The following CDK8 variants were observed in gnomAD, a reference collection of about 807,000 sequenced individuals.
The protein encoded by CDK8 is cyclin dependent kinase 8, also known as cyclin-dependent kinase 8.
A neutral mutation model predicts 71.5 loss-of-function variants in CDK8; 29 were observed. The observed-to-expected ratio is 0.41, with a 90% CI of 0.30 to 0.55. CDK8 has a LOEUF of 0.55. Among genes scored for constraint, CDK8 ranks in the 20% least tolerant of loss-of-function variants. The pLI is 0.37. For synonymous variants in CDK8, 161 were observed against 192.1 expected, an observed-to-expected ratio of 0.84 and a Z score of 1.34; for missense variants, 288 against 572.6, an observed-to-expected ratio of 0.50 and a Z score of 5.07.
intron 1 of CDK8, among the ~76,000 whole-genome samples, chr13:26,288,647 AT>A (rs1873143226): frequency 6.6e-6 from 1 of 151,962 alleles, no homozygotes; most frequent in Non-Finnish European, 1.5e-5. Context: ...GTTGCTTTGA[AT>A]CTGTTGATAA....
intron 2 of CDK8, among the ~76,000 whole-genome samples, chr13:26,348,826 A>C (rs1565981461): frequency 6.6e-6 from 1 of 152,180 alleles, no homozygotes; most frequent in South Asian, 2.1e-4. Context: ...ACAATCAAAA[A>C]ATTAAAATAA....
chr13:26,367,916 A>G (rs906966724), intron 4 of CDK8, among the ~76,000 whole-genome samples: 1 of 152,126 alleles, frequency 6.6e-6, no homozygotes, highest in Non-Finnish European at 1.5e-5. Flanking sequence ...GCTTATTTTC[A>G]AGGAGAGGAA....
At chr13:26,296,869 C>T (rs1873584208) in intron 1 of CDK8, among the ~76,000 whole-genome samples, 1 of 152,050 alleles carries the variant, frequency 6.6e-6, no homozygotes, top group South Asian at 2.1e-4. Context: ...ATAAAAGGAC[C>T]TCTTATTACT....
chr13:26,345,420 C>T (rs1565980369), intron 2 of CDK8, among the ~76,000 whole-genome samples: 1 of 152,086 alleles, frequency 6.6e-6, no homozygotes, highest in Non-Finnish European at 1.5e-5. Flanking sequence ...CTCACTCTGT[C>T]ACCCAGGCTA....
chr13:26,349,330 A>G, intron 3 of CDK8, 148 bp downstream of exon 3: 1 of 589,436 alleles, frequency 1.7e-6, no homozygotes. Flanking sequence ...GACGAAGGCT[A>G]GAGTATTTGA....
chr13:26,401,661 T>C lies in CDK8; in HGVS notation c.1269+37T>C. Reference sequence around the variant, plus strand: ...TTATTTTGTATTGACTGCATGTCAGTGTTTACATATGGGTTTATGATCGTG... The same window carrying C: ...TTATTTTGTATTGACTGCATGTCAGCGTTTACATATGGGTTTATGATCGTG... On this transcript the variant is annotated intron_variant, in intron 12 of 12. Transcript: ENST00000381527. The surrounding 1 kb of genome is among the most constrained non-coding windows in gnomAD (Gnocchi z 4.5). 6.3e-7 allele frequency: 1 copy of C among 1,598,222 alleles called. No individual in the cohort carries two copies. The highest frequency in any genetic ancestry group is 8.6e-7 in the Non-Finnish European group (1 of 1,165,846).
chr13:26,372,684 C>A (rs1397096172), intron 4 of CDK8, among the ~76,000 whole-genome samples: 1 of 152,118 alleles, frequency 6.6e-6, no homozygotes, highest in Non-Finnish European at 1.5e-5. Flanking sequence ...TGTATTTGAA[C>A]CCCAGCTCTG....
chr13:26,267,342 T>C (rs1017329426), intron 1 of CDK8, among the ~76,000 whole-genome samples: 1 of 152,214 alleles, frequency 6.6e-6, no homozygotes, highest in Admixed American at 6.5e-5. Flanking sequence ...TGAAATAAGA[T>C]GGGACTATGA....
intron 1 of CDK8, among the ~76,000 whole-genome samples, chr13:26,279,186 A>G (rs528239780): frequency 1.3e-5 from 2 of 152,302 alleles, no homozygotes; most frequent in Non-Finnish European, 2.9e-5. Context: ...GCCAGTTGAT[A>G]AAATGTAGAA....
chr13:26,266,157 AGAT>A (rs1317603093), intron 1 of CDK8, among the ~76,000 whole-genome samples: 1 of 152,206 alleles, frequency 6.6e-6, no homozygotes, highest in Non-Finnish European at 1.5e-5. Context: ...TTGAGGTGGA[AGAT>A]GATGATTGAG....
chr13:26,272,802 A>G (rs922832082), intron 1 of CDK8, among the ~76,000 whole-genome samples: 10 of 152,210 alleles, frequency 6.6e-5, no homozygotes, highest in African/African-American at 2.4e-4. Context: ...TACAATGGCT[A>G]CAGTGTCACT....
Position 26,311,109 on chromosome 13 carries a change from C to G in CDK8, c.129-26458C>G, listed in dbSNP as rs1010230081. 1.1e-4 allele frequency among the ~76,000 whole-genome samples: 16 copies of G among 147,580 alleles called. No homozygotes were observed. The Admixed American group carries it at 1.1e-3, about 10-fold the overall frequency. On this transcript the variant is annotated intron_variant, in intron 1 of 12. Coordinates refer to ENST00000381527, the MANE Select transcript of CDK8 (RefSeq NM_001260.3). Reference sequence around the variant, plus strand: ...GACTGCAGATTTTTAACATGTATAACAAAATCTTGAAAATGGTAGCTGTGC... The same window carrying G: ...GACTGCAGATTTTTAACATGTATAAGAAAATCTTGAAAATGGTAGCTGTGC...
chr13:26,264,913 C>CT (rs377434981), intron 1 of CDK8, among the ~76,000 whole-genome samples: 59 of 152,284 alleles, frequency 3.9e-4, no homozygotes, highest in African/African-American at 1.4e-3. Context: ...TGATTTCCTT[C>CT]TTTTTTGTGG....
chr13:26,273,783 A>G (rs1224409219), intron 1 of CDK8, among the ~76,000 whole-genome samples: 3 of 152,042 alleles, frequency 2.0e-5, no homozygotes, highest in African/African-American at 7.2e-5. Context: ...TTAAAAAAAA[A>G]GTTTTATACT....
chr13:26,347,986 A>T lies in CDK8; in HGVS notation c.205-1086A>T, dbSNP rs1873527949. The stretch of plus-strand genomic sequence containing the variant: ...GGACTTTCATCAGATAGTGTATACC[A>T]CTGTTCATAGCAGCATTAATCACAA... On this transcript the variant is annotated intron_variant, in intron 2 of 12. Transcript: ENST00000381527. Among the ~76,000 whole-genome samples, 4 of 152,148 alleles carry T rather than the reference A, an allele frequency of 2.6e-5. No homozygotes were observed. The South Asian group carries it at 8.3e-4, about 32-fold the overall frequency.
chr13:26,353,651 G>A, intron 3 of CDK8, 89 bp from the exon 4 acceptor site: 2 of 1,003,080 alleles, frequency 2.0e-6, no homozygotes. Context: ...GAATCCCTGA[G>A]TGTTTCTTTT....
intron 4 of CDK8, among the ~76,000 whole-genome samples, chr13:26,378,055 T>C (rs900144852): frequency 2.0e-4 from 30 of 152,212 alleles, no homozygotes; most frequent in African/African-American, 7.0e-4. Flanking sequence ...TGACTCAAAA[T>C]CTCCAATTTG....
intron 6 of CDK8, among the ~76,000 whole-genome samples, chr13:26,385,806 T>C: frequency 6.6e-6 from 1 of 152,178 alleles, no homozygotes; most frequent in East Asian, 1.9e-4. Context: ...CTAGAAATAC[T>C]ATCAGTAGCA....
At chr13:26,362,106 A>G (rs1020918249) in intron 4 of CDK8, among the ~76,000 whole-genome samples, 1 of 152,112 alleles carries the variant, frequency 6.6e-6, no homozygotes, top group Non-Finnish European at 1.5e-5. Context: ...GTAGAGTAGT[A>G]GTTATATGAC....
Sources: allele counts gnomAD v4.1 joint callset (sites outside exome capture counted in the v4.1 genomes callset), GRCh38; gene constraint gnomAD v4.1.1; non-coding constraint Gnocchi (gnomAD v3.1); transcripts MANE v1.5; gene names NCBI Gene and HGNC (gene_info 2026-07-23, HGNC 2026-07-21).